Variants in RFC3 observed in about 807,000 individuals in gnomAD.
The protein encoded by RFC3 is A1 38 kDa subunit.
In RFC3, 41 loss-of-function variants were observed where a neutral mutation model predicts 45.1. That is an observed-to-expected ratio of 0.91 (90% confidence interval 0.71 to 1.18). The LOEUF is 1.18. RFC3 is among the 50% of genes most tolerant of loss of function. The pLI, the probability that RFC3 is intolerant of heterozygous loss-of-function variation, is 0.00. For synonymous variants in RFC3, 149 were observed against 144.0 expected, an observed-to-expected ratio of 1.03 and a Z score of -0.25; for missense variants, 423 against 428.1, an observed-to-expected ratio of 0.99 and a Z score of 0.10.
At chr13:33,901,854 A>G (rs901053234) in intron 8 of RFC3, among the ~76,000 whole-genome samples, 5 of 152,056 alleles carry the variant, frequency 3.3e-5, no homozygotes, top group Non-Finnish European at 5.9e-5. Context: ...AACAAGAAAC[A>G]AAAAAACAAA....
intron 8 of RFC3, chr13:33,850,793 A>G (rs1025279505): frequency 1.3e-5 from 2 of 152,228 alleles, no homozygotes; most frequent in Non-Finnish European, 2.9e-5. Flanking sequence ...TTAGTTTTGT[A>G]CATGATAATT....
chr13:33,884,798 A>G (rs1186585064), intron 8 of RFC3, among the ~76,000 whole-genome samples: 2 of 152,176 alleles, frequency 1.3e-5, no homozygotes, highest in Admixed American at 6.5e-5. Context: ...TCTTGGCACA[A>G]TATGTTCTTT....
intron 8 of RFC3, among the ~76,000 whole-genome samples, chr13:33,855,384 C>T (rs534145517): frequency 3.2e-4 from 49 of 152,138 alleles, no homozygotes; most frequent in South Asian, 2.1e-4. Flanking sequence ...CTACCATTGA[C>T]GGGCATTTAG....
intron 8 of RFC3, among the ~76,000 whole-genome samples, chr13:33,879,149 G>A (rs113382674): frequency 0.03 from 4,620 of 151,964 alleles, 138 homozygotes; most frequent in African/African-American, 0.071. Context: ...TTTATTGTCT[G>A]CAGAAACACA....
intron 8 of RFC3, chr13:33,966,069 AG>A (rs2083086144): frequency 6.3e-7 from 1 of 1,587,452 alleles, no homozygotes. Flanking sequence ...TTGATTGGAT[AG>A]TGAATATCTC....
At chr13:33,867,138 C>A (rs1001445615) in intron 8 of RFC3, among the ~76,000 whole-genome samples, 19 of 152,174 alleles carry the variant, frequency 1.2e-4, no homozygotes, top group Non-Finnish European at 5.9e-5. Context: ...ATCTCATCCC[C>A]ATCACTAGAA....
In RFC3 at chr13:33,818,189, G is replaced by T; in HGVS notation, c.11G>T (p.Trp4Leu). 1.2e-6 allele frequency: 2 copies of T among 1,613,626 alleles called. No homozygotes were observed. The highest frequency in any genetic ancestry group is 1.1e-5 in the South Asian group (1 of 91,058). The stretch of plus-strand genomic sequence containing the variant: ...GGAACTCGAGCTGCCATGAGCCTCT[G>T]GGTGGACAAGTATCGGCCCTGCTCC... MSL[W>L]VDKYRPCSLG... Residue 4 changes from tryptophan (W) to leucine (L), a missense_variant, in exon 1 of 9, where the codon TGG becomes TTG. Physicochemically the swap from Trp to Leu is moderately conservative, Grantham distance 61. Transcript: ENST00000380071.
intron 8 of RFC3, among the ~76,000 whole-genome samples, chr13:33,861,200 G>A (rs1249664976): frequency 6.6e-6 from 1 of 152,132 alleles, no homozygotes; most frequent in East Asian, 1.9e-4. Flanking sequence ...AAAAATAGAG[G>A]TTGCATGTCA....
intron 2 of RFC3, among the ~76,000 whole-genome samples, chr13:33,823,000 T>C (rs1159561312): frequency 2.6e-5 from 4 of 152,170 alleles, no homozygotes; most frequent in Non-Finnish European, 4.4e-5. Flanking sequence ...GAAAAATAGA[T>C]TCTTCTGTAA....
At chr13:33,875,821 G>A (rs1002618547) in intron 8 of RFC3, among the ~76,000 whole-genome samples, 3 of 152,174 alleles carry the variant, frequency 2.0e-5, no homozygotes, top group South Asian at 2.1e-4. Flanking sequence ...CAGACGGGAC[G>A]TGGGCTCAGC....
chr13:33,936,715 A>G (rs1719300496), intron 8 of RFC3, among the ~76,000 whole-genome samples: 1 of 152,174 alleles, frequency 6.6e-6, no homozygotes, highest in African/African-American at 2.4e-5. Context: ...CTTAAAAGGA[A>G]GCAATCCTGC....
chr13:33,867,081 A>G (rs1439469554), intron 8 of RFC3, among the ~76,000 whole-genome samples: 1 of 152,222 alleles, frequency 6.6e-6, no homozygotes, highest in East Asian at 1.9e-4. Flanking sequence ...TTTAAGTGCA[A>G]TAAAAGAAAC....
At chr13:33,969,719 T>TTGG (rs2083102203), downstream of RFC3, among the ~76,000 whole-genome samples, 1 of 152,146 alleles carries the variant, frequency 6.6e-6, no homozygotes, top group Admixed American at 6.5e-5. Flanking sequence ...GTTTTTGTTG[T>TTGG]TGGTGGTGGT....
rs547869381 is a variant in RFC3, at chr13:33,821,253, A to G, written c.209A>G (p.Glu70Gly). ...YGVGVEKLRI[E>G]HQTITTPSKK... ...GTTGGAGTGGAAAAATTGAGAATTG[A>G]ACATCAGACCATCACAGTAAGCATT... The change falls in exon 2 of 9, where the codon GAA becomes GGA. Residue 70 changes from glutamate (E) to glycine (G), a missense_variant. Coordinates refer to ENST00000380071, the MANE Select transcript of RFC3 (RefSeq NM_002915.4). The G allele has an allele frequency of 1.2e-6, 2 of 1,613,556 alleles. No individual in the cohort carries two copies. Among genetic ancestry groups the G allele is most frequent in the East Asian group, 2.2e-5 (1 of 44,862 alleles).
chr13:33,924,887 T>C (rs758161008), intron 8 of RFC3, among the ~76,000 whole-genome samples: 38 of 150,608 alleles, frequency 2.5e-4, no homozygotes, highest in Non-Finnish European at 3.0e-5. Flanking sequence ...TGCTAAGAAA[T>C]TAGATCTTAA....
At chr13:33,971,338 T>C (rs1484749236), downstream of RFC3, among the ~76,000 whole-genome samples, 1 of 152,256 alleles carries the variant, frequency 6.6e-6, no homozygotes, top group Non-Finnish European at 1.5e-5. Flanking sequence ...GTTCTGTTTG[T>C]TTTACAAATT....
At chr13:33,949,445 T>C (rs1316392950) in intron 8 of RFC3, among the ~76,000 whole-genome samples, 2 of 152,216 alleles carry the variant, frequency 1.3e-5, no homozygotes, top group Non-Finnish European at 2.9e-5. Flanking sequence ...AAGCTAAAAA[T>C]TTATCATTTA....
chr13:33,899,214 A>AAAAAAAAAAAAAAAAG (rs2082622608), intron 8 of RFC3, among the ~76,000 whole-genome samples: 1 of 148,312 alleles, frequency 6.7e-6, no homozygotes, highest in African/African-American at 2.4e-5. Context: ...CAAAAAAAAA[A>AAAAAAAAAAAAAAAAG]AAAAAAAAAA....
intron 8 of RFC3, among the ~76,000 whole-genome samples, chr13:33,926,230 G>GA (rs2082812274): frequency 8.6e-6 from 1 of 115,780 alleles, no homozygotes; most frequent in Non-Finnish European, 1.7e-5. Context: ...AGGGGGGAGG[G>GA]ATAGCACTGG....
Sources: gnomAD v4.1 joint callset for allele counts (sites outside exome capture counted in the v4.1 genomes callset) on GRCh38, gnomAD v4.1.1 for gene constraint, MANE v1.5 for transcripts, NCBI Gene and HGNC (gene_info 2026-07-23, HGNC 2026-07-21) for gene names.